NRG1: variants seen among roughly 807,000 people sequenced by gnomAD.
NRG1 encodes neuregulin 1, also known as pro-neuregulin-1, membrane-bound isoform.
NRG1 carries 18 observed loss-of-function variants against 63.8 expected under a neutral mutation model. That is an observed-to-expected ratio of 0.28 (90% CI 0.19 to 0.42). The LOEUF (loss-of-function observed/expected upper bound fraction) is 0.42, where lower values mean the gene tolerates loss of function less well. Among genes scored for constraint, NRG1 ranks in the 10% least tolerant of loss-of-function variants. The probability of loss-of-function intolerance (pLI) is 1.00; values close to 1 mark genes in which losing one functional copy is unlikely to be tolerated. For missense variants in NRG1, 762 were observed against 814.7 expected, an observed-to-expected ratio of 0.94 and a Z score of 0.79; for synonymous variants, 302 against 301.3, an observed-to-expected ratio of 1.00 and a Z score of -0.02.
At chr8:31,709,796 T>A (rs1359275509) in intron 1 of NRG1, among the ~76,000 whole-genome samples, 2 of 151,910 alleles carry the variant, frequency 1.3e-5, no homozygotes, top group African/African-American at 4.8e-5. Flanking sequence ...TGTGGCTTTT[T>A]AAATTCTTAT....
rs562596686 is a variant in NRG1 at position 32,047,471 on chromosome 8, A to T, written c.37+408040A>T. On this transcript the variant is annotated intron_variant, in intron 1 of 10. Coordinates refer to the NRG1 transcript ENST00000519301. ...TAAATAAGTATTTGTCATCTTAACT[A>T]AGGATACAAAAAAAAGGAAGTGTGC... 4.6e-5 allele frequency among the ~76,000 whole-genome samples: 7 copies of T among 152,138 alleles called. No individual in the cohort carries two copies. The South Asian group carries it at 1.5e-3, about 32-fold the overall frequency.
At chr8:32,540,443 C>A (rs529999730) in intron 1 of NRG1, among the ~76,000 whole-genome samples, 1 of 151,982 alleles carries the variant, frequency 6.6e-6, no homozygotes, top group South Asian at 2.1e-4. Flanking sequence ...GAAAAAACAA[C>A]GACAACAAAA....
intron 1 of NRG1, among the ~76,000 whole-genome samples, chr8:31,715,330 A>C (rs972069511): frequency 3.3e-5 from 5 of 152,178 alleles, no homozygotes; most frequent in Non-Finnish European, 7.4e-5. Flanking sequence ...AAATAAAGAA[A>C]AAATGAATCA....
intron 5 of NRG1, among the ~76,000 whole-genome samples, chr8:32,717,672 C>T (rs1263358778): frequency 1.3e-5 from 2 of 152,146 alleles, no homozygotes; most frequent in Non-Finnish European, 2.9e-5. Context: ...ATGTCCACAA[C>T]CATCACACAA....
Position 31,761,913 on chromosome 8 carries a change from G to A in NRG1, c.37+122482G>A, listed in dbSNP as rs564969140. 1.1e-3 allele frequency among the ~76,000 whole-genome samples: 173 copies of A among 152,266 alleles called. 2 individuals carry two copies. The highest frequency in any genetic ancestry group is 1.5e-3 in the South Asian group (7 of 4,822). On this transcript the variant is annotated intron_variant, in intron 1 of 10. Coordinates refer to the NRG1 transcript ENST00000519301. ...AGGTAAAAAATACAGTATCTTTCAA[G>A]TACAATAAAATGAGGTAGCTTCTAT...
In NRG1 at chr8:31,947,944, C is replaced by CAAAAAA. The variant is rs55953491; in HGVS notation, c.37+308536_37+308541dup. Among the ~76,000 whole-genome samples, 14 of 32,964 alleles carry CAAAAAA rather than the reference C, an allele frequency of 4.2e-4. 3 individuals carry two copies. The highest frequency in any genetic ancestry group is 4.4e-3 in the East Asian group (2 of 456). The allele number at this position is 32,964 out of a possible 152,430, so 21.6% of individuals were successfully genotyped here. ...TGGGCTACAGAGTGAGACTCCATCT[C>CAAAAAA]AAAAAAAAAAAAAAAAAAAAAAAAA... On this transcript the variant is annotated intron_variant, in intron 1 of 10. Coordinates refer to the NRG1 transcript ENST00000519301.
At chr8:31,877,136 C>A (rs1829990471) in intron 1 of NRG1, among the ~76,000 whole-genome samples, 1 of 152,008 alleles carries the variant, frequency 6.6e-6, no homozygotes, top group African/African-American at 2.4e-5. Flanking sequence ...TCTTTAATTA[C>A]CTGCTTGATA....
intron 1 of NRG1, among the ~76,000 whole-genome samples, chr8:32,104,370 C>T (rs992075125): frequency 4.6e-5 from 7 of 152,128 alleles, no homozygotes; most frequent in African/African-American, 1.7e-4. Context: ...GCTTGCAGGA[C>T]TGCGTGTTGC....
intron 1 of NRG1, among the ~76,000 whole-genome samples, chr8:31,726,139 T>A (rs542969484): frequency 4.6e-4 from 70 of 152,076 alleles, no homozygotes; most frequent in African/African-American, 1.5e-3. Context: ...ATTTTCCTAT[T>A]AAAAAAAGGG....
rs563645965 is a variant in NRG1 at position 32,688,062 on chromosome 8, A to C, written c.503-39887A>C. Among the ~76,000 whole-genome samples, 30 of 152,302 alleles carry C rather than the reference A, an allele frequency of 2.0e-4. No individual in the cohort carries two copies. The Middle Eastern group carries it at 0.01, about 52-fold the overall frequency. On this transcript the variant is annotated intron_variant, in intron 5 of 11. Transcript: ENST00000356819. ...AGGTGGTTACTGTAGAGAAGGGGAG[A>C]AATGAACTCCCTTAACGTTCCAGCT...
intron 3 of NRG1, among the ~76,000 whole-genome samples, chr8:32,613,243 G>A (rs1846688365): frequency 6.6e-6 from 1 of 151,948 alleles, no homozygotes; most frequent in African/African-American, 2.4e-5. Flanking sequence ...GATTAGAGAG[G>A]ATCATCCACA....
intron 1 of NRG1, among the ~76,000 whole-genome samples, chr8:32,559,850 A>G (rs1836021116): frequency 6.6e-6 from 1 of 150,768 alleles, no homozygotes; most frequent in African/African-American, 2.4e-5. Flanking sequence ...ACAAAAAAAA[A>G]AAAGAAAGAA....
chr8:32,337,682 A>AAAAAAAAAAAAAAAT (rs1554511693), intron 1 of NRG1, among the ~76,000 whole-genome samples: 17 of 116,700 alleles, frequency 1.5e-4, no homozygotes, highest in East Asian at 2.4e-4. Context: ...AAAAAAAAAA[A>AAAAAAAAAAAAAAAT]GCTGATGCAG....
At chr8:32,133,817 A>G (rs1219998499) in intron 1 of NRG1, among the ~76,000 whole-genome samples, 1 of 152,174 alleles carries the variant, frequency 6.6e-6, no homozygotes, top group East Asian at 1.9e-4. Context: ...GGTAGACTAG[A>G]TATCTTCAAA....
chr8:32,721,822 AG>A (rs923023850), intron 5 of NRG1: 38 of 1,359,984 alleles, frequency 2.8e-5, no homozygotes, highest in Non-Finnish European at 3.6e-5. Flanking sequence ...AAGCTACATT[AG>A]GTGGCACAGC....
At chr8:31,894,437 T>C (rs1432737160) in intron 1 of NRG1, among the ~76,000 whole-genome samples, 15 of 152,314 alleles carry the variant, frequency 9.8e-5, no homozygotes. Context: ...TATGATATAA[T>C]GCTAAGTAAT....
intron 1 of NRG1, among the ~76,000 whole-genome samples, chr8:32,127,441 C>G (rs147004227): frequency 1.3e-5 from 2 of 151,860 alleles, no homozygotes; most frequent in African/African-American, 4.8e-5. Context: ...AAAATACTCA[C>G]AAATAGTTTA....
intron 1 of NRG1, among the ~76,000 whole-genome samples, chr8:31,739,543 T>C (rs1415461224): frequency 6.6e-6 from 1 of 152,074 alleles, no homozygotes; most frequent in Non-Finnish European, 1.5e-5. Flanking sequence ...TCCAGGTTCA[T>C]AAATATTAAT....
Position 32,258,793 on chromosome 8 carries a change from C to T in NRG1, c.38-337035C>T, listed in dbSNP as rs887997019. 3.9e-5 allele frequency among the ~76,000 whole-genome samples: 6 copies of T among 152,068 alleles called. No individual in the cohort carries two copies. The South Asian group carries it at 1.2e-3, about 31-fold the overall frequency. On this transcript the variant is annotated intron_variant, in intron 1 of 10. Coordinates refer to the NRG1 transcript ENST00000519301. The stretch of plus-strand genomic sequence containing the variant: ...CATGGGGATTATGGGGATTACAATT[C>T]GAGATGAGATTTGGATGTGGGCACA...
Sources: allele counts gnomAD v4.1 joint callset (sites outside exome capture counted in the v4.1 genomes callset), GRCh38; gene constraint gnomAD v4.1.1; transcripts MANE v1.5; gene names NCBI Gene and HGNC (gene_info 2026-07-23, HGNC 2026-07-21).